The following MKLN1 variants were observed in gnomAD, a reference collection of about 807,000 sequenced individuals.
The protein encoded by MKLN1 is muskelin.
In MKLN1, 18 loss-of-function variants were observed where a neutral mutation model predicts 99.0. That is an observed-to-expected ratio of 0.18 (90% confidence interval 0.13 to 0.27). The LOEUF is 0.27. Ranked by LOEUF, MKLN1 falls within the 10% of genes least tolerant of loss-of-function variation. The pLI is 1.00. For missense variants in MKLN1, 621 were observed against 875.9 expected, an observed-to-expected ratio of 0.71 and a Z score of 3.67; for synonymous variants, 288 against 293.2, an observed-to-expected ratio of 0.98 and a Z score of 0.18.
intron 1 of MKLN1, among the ~76,000 whole-genome samples, chr7:131,127,344 C>T (rs1039137806): frequency 3.3e-5 from 5 of 152,040 alleles, no homozygotes; most frequent in African/African-American, 7.3e-5. Context: ...GGAGGCCACA[C>T]GCAGAGGCAT....
At chr7:131,477,775 A>G (rs1487375446) in intron 16 of MKLN1, among the ~76,000 whole-genome samples, 1 of 152,246 alleles carries the variant, frequency 6.6e-6, no homozygotes, top group Non-Finnish European at 1.5e-5. Context: ...GATGTGAAAT[A>G]TATCCTGAGG....
chr7:131,480,626 C>G (rs545501316), intron 17 of MKLN1, among the ~76,000 whole-genome samples: 115 of 152,328 alleles, frequency 7.5e-4, no homozygotes, highest in Non-Finnish European at 1.3e-3. Context: ...TGATTTACCA[C>G]TATTCATACA....
chr7:131,445,858 C>G lies in MKLN1; in HGVS notation c.1480C>G (p.His494Asp). 6.2e-7 allele frequency: 1 copy of G among 1,604,796 alleles called. No homozygotes were observed. The highest frequency in any genetic ancestry group is 8.5e-7 in the Non-Finnish European group (1 of 1,173,676). The stretch of plus-strand genomic sequence containing the variant: ...CTTTAGTTATGATGTGGACTCTGAT[C>G]ATGTAGACATAATATCAGATGGCAC... The part of the protein sequence containing the change: ...DFFSYDVDSD[H>D]VDIISDGTKK... The change falls in exon 12 of 18, where the codon CAT becomes GAT. Residue 494 changes from histidine (H) to aspartate (D), a missense_variant. This residue lies in a region of MKLN1 where 361 missense variants were observed against 540.8 expected (regional missense o/e 0.67). Transcript: ENST00000352689.
In MKLN1 at chr7:131,484,008, AATTT is replaced by A. The variant is rs764979729; in HGVS notation, c.2087-3595_2087-3592del. The stretch of plus-strand genomic sequence containing the variant: ...TATATAGGTTTGTATGGGCTGTTTT[AATTT>A]ATTATATAATGTAAAAACATATTCT... On this transcript the variant is annotated intron_variant, in intron 17 of 17. Coordinates refer to ENST00000352689, the MANE Select transcript of MKLN1 (RefSeq NM_013255.5). 4.6e-5 allele frequency among the ~76,000 whole-genome samples: 7 copies of A among 151,768 alleles called. No homozygotes were observed. The East Asian group carries it at 1.4e-3, about 30-fold the overall frequency.
At chr7:131,399,133 T>C in intron 5 of MKLN1, 108 bp from the exon 6 acceptor site, 1 of 921,552 alleles carries the variant, frequency 1.1e-6, no homozygotes, top group Non-Finnish European at 1.7e-6. Context: ...TGGCACATAG[T>C]GTTAATAAAT....
chr7:131,449,564 A>G (rs1796118911), intron 12 of MKLN1, among the ~76,000 whole-genome samples: 1 of 152,182 alleles, frequency 6.6e-6, no homozygotes, highest in African/African-American at 2.4e-5. Flanking sequence ...CCCACCTAAA[A>G]CTGTTGCAGT....
intron 1 of MKLN1, among the ~76,000 whole-genome samples, chr7:131,357,124 A>G (rs1440352716): frequency 6.6e-6 from 1 of 152,142 alleles, no homozygotes. Flanking sequence ...ACTATAATCC[A>G]TAGTTTATTT....
At chr7:131,361,773 C>A (rs558372832) in intron 1 of MKLN1, among the ~76,000 whole-genome samples, 1 of 151,984 alleles carries the variant, frequency 6.6e-6, no homozygotes, top group South Asian at 2.1e-4. Flanking sequence ...ATTCCAAATT[C>A]CACTTATTCT....
intron 1 of MKLN1, among the ~76,000 whole-genome samples, chr7:131,128,728 C>T (rs1795501926): frequency 6.6e-6 from 1 of 151,762 alleles, no homozygotes; most frequent in Non-Finnish European, 1.5e-5. Flanking sequence ...AGCAATCCTT[C>T]CAGGTAGCTA....
chr7:131,476,333 A>G (rs991084076), intron 16 of MKLN1, among the ~76,000 whole-genome samples: 2 of 152,174 alleles, frequency 1.3e-5, no homozygotes, highest in South Asian at 4.1e-4. Context: ...AAACATATAG[A>G]TTGGATAGGA....
chr7:131,165,713 A>G (rs1267504690), intron 2 of MKLN1, among the ~76,000 whole-genome samples: 1 of 152,204 alleles, frequency 6.6e-6, no homozygotes, highest in East Asian at 1.9e-4. Flanking sequence ...AAGAGCAGGG[A>G]GACAAATAAG....
In MKLN1 at chr7:131,229,787, C is replaced by G. The variant is rs1464576860; in HGVS notation, c.-179+26813C>G. Among the ~76,000 whole-genome samples the G allele has an allele frequency of 2.6e-5, 4 of 152,096 alleles. No individual in the cohort carries two copies. In the East Asian group the frequency reaches 5.8e-4, roughly 22 times the overall value. On this transcript the variant is annotated intron_variant, in intron 3 of 7. Coordinates refer to the MKLN1 transcript ENST00000416992. ...CGGGCTGGTGTCGAACTCCTGGGCTCAAGTGATCCTCCTGCCTCAGCCTCC... is the reference window on the plus strand; with the variant it reads ...CGGGCTGGTGTCGAACTCCTGGGCTGAAGTGATCCTCCTGCCTCAGCCTCC...
At chr7:131,164,802 G>C (rs1271107082) in intron 2 of MKLN1, among the ~76,000 whole-genome samples, 1 of 152,196 alleles carries the variant, frequency 6.6e-6, no homozygotes, top group African/African-American at 2.4e-5. Context: ...CTGGGAATCA[G>C]ATGACCTGAA....
chr7:131,134,785 G>A (rs55886017), intron 1 of MKLN1, among the ~76,000 whole-genome samples: 24,661 of 152,052 alleles, frequency 0.16, 2,728 homozygotes, highest in East Asian at 0.46. Flanking sequence ...AATTGGCTTT[G>A]CTGGCTCAGT....
At chr7:131,220,835 AC>A (rs1006293610) in intron 3 of MKLN1, among the ~76,000 whole-genome samples, 38 of 152,304 alleles carry the variant, frequency 2.5e-4, no homozygotes, top group African/African-American at 8.7e-4. Flanking sequence ...GTATCTAGTG[AC>A]TTTTAGCAAC....
At position 131,213,758 on chromosome 7, in the gene MKLN1, C is replaced by T. The variant is rs555367494; in HGVS notation, c.-179+10784C>T. Among the ~76,000 whole-genome samples the T allele has an allele frequency of 1.1e-3, 174 of 152,258 alleles. 1 individual carries two copies. The highest frequency in any genetic ancestry group is 4.0e-3 in the African/African-American group (168 of 41,564). ...ACATTTTGCTAATTTTTGGCATTTTCAGAATTTAAAAATTTTGCCAATTTA... is the reference window on the plus strand; with the variant it reads ...ACATTTTGCTAATTTTTGGCATTTTTAGAATTTAAAAATTTTGCCAATTTA... On this transcript the variant is annotated intron_variant, in intron 3 of 7. Coordinates refer to the MKLN1 transcript ENST00000416992.
At chr7:131,461,828 A>G (rs1342176408) in intron 12 of MKLN1, among the ~76,000 whole-genome samples, 2 of 152,200 alleles carry the variant, frequency 1.3e-5, no homozygotes, top group East Asian at 1.9e-4. Context: ...CACTTTATGT[A>G]TATGAAATTA....
intron 2 of MKLN1, among the ~76,000 whole-genome samples, chr7:131,160,358 A>G (rs1796028414): frequency 6.6e-6 from 1 of 151,962 alleles, no homozygotes; most frequent in South Asian, 2.1e-4. Flanking sequence ...GGCTATTGTA[A>G]ATAATGCTGC....
intron 1 of MKLN1, among the ~76,000 whole-genome samples, chr7:131,350,519 G>A (rs989324841): frequency 6.6e-6 from 1 of 152,176 alleles, no homozygotes; most frequent in African/African-American, 2.4e-5. Context: ...CTGGGGCTGT[G>A]GTTTCACCTA....
Sources: allele counts gnomAD v4.1 joint callset (sites outside exome capture counted in the v4.1 genomes callset), GRCh38; gene constraint gnomAD v4.1.1; regional missense constraint gnomAD v4.1.1; transcripts MANE v1.5; gene names NCBI Gene and HGNC (gene_info 2026-07-23, HGNC 2026-07-21).